The following ARHGEF3 variants were observed in gnomAD, a reference collection of about 807,000 sequenced individuals.
ARHGEF3 encodes Rho guanine nucleotide exchange factor 3, also known as 59.8 kDA protein.
A neutral mutation model predicts 63.2 loss-of-function variants in ARHGEF3; 28 were observed. That is an observed-to-expected ratio of 0.44 (90% CI 0.33 to 0.61). ARHGEF3 has a LOEUF of 0.61. ARHGEF3 is among the 20% of genes least tolerant of loss of function. The pLI, the probability that ARHGEF3 is intolerant of heterozygous loss-of-function variation, is 0.03. For missense variants in ARHGEF3, 533 were observed against 659.3 expected (o/e 0.81, Z 2.10); for synonymous variants, 266 against 254.2 (o/e 1.05, Z -0.44).
At position 57,034,928 on chromosome 3, in the gene ARHGEF3, T is replaced by C. The variant is rs544425647; in HGVS notation, c.62+160A>G. ...CTCTCACCTCAGCCTTGCAAAGTGC[T>C]GGGGTTACAGGCATGAGACACCATG... On this transcript the variant is annotated intron_variant, in intron 2 of 12. Transcript: ENST00000338458. Among the ~76,000 whole-genome samples the C allele has an allele frequency of 3.9e-5, 6 of 152,280 alleles. No homozygotes were observed. The South Asian group carries it at 1.2e-3, about 32-fold the overall frequency.
At chr3:57,025,348 G>A (rs994825965) in intron 2 of ARHGEF3, among the ~76,000 whole-genome samples, 1 of 152,146 alleles carries the variant, frequency 6.6e-6, no homozygotes, top group Non-Finnish European at 1.5e-5. Context: ...AATGATCCAC[G>A]ATTTACCAAG....
At chr3:56,996,828 T>C (rs1308912516) in intron 2 of ARHGEF3, among the ~76,000 whole-genome samples, 2 of 151,676 alleles carry the variant, frequency 1.3e-5, no homozygotes, top group East Asian at 1.9e-4. Flanking sequence ...CAGTACAGCT[T>C]TGAACGTGGC....
Position 56,729,285 on chromosome 3 carries a change from A to C in ARHGEF3, c.1566T>G (p.Gly522=), listed in dbSNP as rs749106013. Residue 522 remains glycine (G), a synonymous_variant, in exon 10 of 10, where the codon GGT becomes GGG. Coordinates refer to ENST00000296315, the MANE Select transcript of ARHGEF3 (RefSeq NM_019555.3). ...TDSSCGNSRH[G]ESNV is the part of the protein sequence containing the mutation. ...CATGCTTCTGTCAGACGTTACTTTC[A>C]CCGTGCCTGCTGTTTCCACAGGAAG... 6.2e-7 allele frequency: 1 copy of C among 1,612,264 alleles called. No individual in the cohort carries two copies. The highest frequency in any genetic ancestry group is 1.7e-5 in the Admixed American group (1 of 59,926).
At chr3:57,035,380 C>T (rs1259675618) in intron 1 of ARHGEF3, among the ~76,000 whole-genome samples, 2 of 152,116 alleles carry the variant, frequency 1.3e-5, no homozygotes, top group Non-Finnish European at 2.9e-5. Context: ...GACAGAGTCT[C>T]GCTCTGTCAC....
At chr3:56,775,132 G>C in intron 1 of ARHGEF3, 4 of 1,544,332 alleles carry the variant, frequency 2.6e-6, no homozygotes, top group Non-Finnish European at 3.5e-6. Flanking sequence ...GGAGCCTCTA[G>C]GTATTCATCT....
chr3:56,761,763 A>C (rs1043097605), intron 2 of ARHGEF3, among the ~76,000 whole-genome samples: 1 of 152,172 alleles, frequency 6.6e-6, no homozygotes, highest in African/African-American at 2.4e-5. Flanking sequence ...CACACAGCTA[A>C]TGAATGGTGC....
intron 2 of ARHGEF3, among the ~76,000 whole-genome samples, chr3:56,984,943 C>A (rs909072945): frequency 6.6e-6 from 1 of 152,204 alleles, no homozygotes; most frequent in Non-Finnish European, 1.5e-5. Flanking sequence ...ACATCAGTTA[C>A]CCTTCCAGAT....
intron 2 of ARHGEF3, among the ~76,000 whole-genome samples, chr3:57,011,631 C>A (rs575505812): frequency 6.6e-6 from 1 of 152,016 alleles, no homozygotes; most frequent in Non-Finnish European, 1.5e-5. Context: ...GTTGAGAAAT[C>A]CTAATCTAAA....
At chr3:56,954,746 C>T (rs930113278) in intron 3 of ARHGEF3, among the ~76,000 whole-genome samples, 2 of 152,086 alleles carry the variant, frequency 1.3e-5, no homozygotes, top group Non-Finnish European at 2.9e-5. Context: ...GATGACAATC[C>T]GGGAAAGGGC....
In ARHGEF3 at chr3:56,815,780, A is replaced by G. The variant is rs149068826; in HGVS notation, c.193-41964T>C. ...TTCTTCCTACAGGCCTGTTATGACT[A>G]TGAGAGCTATCTGTTCCTTCAGTGG... On this transcript the variant is annotated intron_variant, in intron 4 of 12. Transcript: ENST00000338458. 3.0e-3 allele frequency among the ~76,000 whole-genome samples: 457 copies of G among 152,318 alleles called. 1 individual carries two copies. Among genetic ancestry groups the G allele is most frequent in the Non-Finnish European group, 3.5e-3 (235 of 68,022 alleles).
intron 4 of ARHGEF3, among the ~76,000 whole-genome samples, chr3:56,815,493 T>G (rs975479691): frequency 5.9e-5 from 9 of 152,208 alleles, no homozygotes; most frequent in Non-Finnish European, 1.5e-5. Flanking sequence ...TTATGAAGGC[T>G]CATCAGAAAA....
chr3:56,823,763 T>C (rs1352593470), intron 4 of ARHGEF3, among the ~76,000 whole-genome samples: 1 of 152,116 alleles, frequency 6.6e-6, no homozygotes, highest in Non-Finnish European at 1.5e-5. Context: ...CAGCTTCTTA[T>C]GACAAAGCTT....
intron 4 of ARHGEF3, among the ~76,000 whole-genome samples, chr3:56,841,419 A>C (rs2039304104): frequency 6.6e-6 from 1 of 152,176 alleles, no homozygotes; most frequent in Admixed American, 6.6e-5. Context: ...CCATTTAGAC[A>C]TAACTTACCC....
chr3:57,036,857 A>G (rs1361917035), intron 1 of ARHGEF3, among the ~76,000 whole-genome samples: 1 of 152,172 alleles, frequency 6.6e-6, no homozygotes, highest in Non-Finnish European at 1.5e-5. Flanking sequence ...GCTTGGCCAT[A>G]TCTCCAGCAC....
At chr3:57,060,369 T>C (rs928405453) in intron 1 of ARHGEF3, 7 of 151,708 alleles carry the variant, frequency 4.6e-5, no homozygotes, top group South Asian at 2.1e-4. Flanking sequence ...GTATAGCTGC[T>C]GCTACTCGGG....
rs141741117 is a variant in ARHGEF3 at position 56,737,352 on chromosome 3, T to C, written c.874A>G (p.Asn292Asp). The change falls in exon 8 of 10, where the codon AAT becomes GAT. Residue 292 changes from asparagine (N) to aspartate (D), a missense_variant. Physicochemically the swap from Asn to Asp is conservative, Grantham distance 23. Transcript: ENST00000296315. ...PDQQHLEEAI[N>D]IIQGIVAEIN... ...TCTGCCACAATTCCCTGAATGATATTTATCTATGAAAACAAAGAGGAAAAT... is the reference window on the plus strand; with the variant it reads ...TCTGCCACAATTCCCTGAATGATATCTATCTATGAAAACAAAGAGGAAAAT... 1.2e-6 allele frequency: 2 copies of C among 1,609,136 alleles called. No homozygotes were observed. The highest frequency in any genetic ancestry group is 1.7e-6 in the Non-Finnish European group (2 of 1,176,806).
At chr3:56,761,214 G>C (rs749262375) in intron 2 of ARHGEF3, among the ~76,000 whole-genome samples, 1 of 152,206 alleles carries the variant, frequency 6.6e-6, no homozygotes, top group South Asian at 2.1e-4. Flanking sequence ...CAGCACATGG[G>C]TGATGGGCAG....
intron 1 of ARHGEF3, among the ~76,000 whole-genome samples, chr3:57,049,652 G>C (rs1704593289): frequency 6.6e-6 from 1 of 152,236 alleles, no homozygotes. Flanking sequence ...TAGAATTGGA[G>C]TTCCAAGGGG....
chr3:57,050,985 C>T (rs373146230), intron 1 of ARHGEF3, among the ~76,000 whole-genome samples: 1 of 152,200 alleles, frequency 6.6e-6, no homozygotes, highest in African/African-American at 2.4e-5. Context: ...TCCACAGTCC[C>T]TTTTCCAACC....
Sources: gnomAD v4.1 joint callset for allele counts (sites outside exome capture counted in the v4.1 genomes callset) on GRCh38, gnomAD v4.1.1 for gene constraint, MANE v1.5 for transcripts, NCBI Gene and HGNC (gene_info 2026-07-23, HGNC 2026-07-21) for gene names.